Variants in BRINP3 observed in about 807,000 individuals in gnomAD.
BRINP3 encodes BMP/retinoic acid-inducible neural-specific protein 3.
BRINP3 carries 19 observed loss-of-function variants against 71.0 expected under a neutral mutation model. The observed-to-expected ratio is 0.27, with a 90% CI of 0.19 to 0.39. BRINP3 has a LOEUF of 0.39. Among genes scored for constraint, BRINP3 ranks in the 10% least tolerant of loss-of-function variants. The pLI, the probability that BRINP3 is intolerant of heterozygous loss-of-function variation, is 1.00. For missense variants in BRINP3, 959 were observed against 940.8 expected (o/e 1.02, Z -0.25); for synonymous variants, 380 against 337.7 (o/e 1.13, Z -1.37).
chr1:190,254,640 C>G (rs1048368572), intron 4 of BRINP3, among the ~76,000 whole-genome samples: 4 of 152,148 alleles, frequency 2.6e-5, no homozygotes, highest in Non-Finnish European at 5.9e-5. Flanking sequence ...TGAGACTTTG[C>G]TGAAGTTGCT....
At chr1:190,406,062 G>A (rs1275877687) in intron 2 of BRINP3, among the ~76,000 whole-genome samples, 8 of 152,172 alleles carry the variant, frequency 5.3e-5, no homozygotes, top group Admixed American at 2.0e-4. Flanking sequence ...AAAGAGTCAT[G>A]CATTTCTTCA....
At chr1:190,477,056 C>A (rs1346092948) in intron 1 of BRINP3, among the ~76,000 whole-genome samples, 1 of 152,066 alleles carries the variant, frequency 6.6e-6, no homozygotes, top group African/African-American at 2.4e-5. Context: ...CCAGACCTTG[C>A]AATTGTCAGA....
intron 6 of BRINP3, among the ~76,000 whole-genome samples, chr1:190,198,312 C>T (rs116320099): frequency 0.014 from 2,086 of 152,224 alleles, 51 homozygotes; most frequent in African/African-American, 0.047. Context: ...TGGCAATTAA[C>T]ATTTGGCTCT....
chr1:190,129,160 A>G lies in BRINP3; in HGVS notation c.1185-30026T>C, dbSNP rs527298356. 7.9e-5 allele frequency among the ~76,000 whole-genome samples: 12 copies of G among 151,970 alleles called. No homozygotes were observed. The East Asian group carries it at 2.3e-3, about 29-fold the overall frequency. On this transcript the variant is annotated intron_variant, in intron 7 of 7. Transcript: ENST00000367462. ...CCCATTTACACAAAACCACTCAGTT[A>G]TTGTCATCTAAGAAAGGATCAAGAT...
intron 2 of BRINP3, among the ~76,000 whole-genome samples, chr1:190,447,443 ATCT>A (rs1219758999): frequency 2.0e-5 from 3 of 147,224 alleles, no homozygotes; most frequent in Non-Finnish European, 4.5e-5. Flanking sequence ...AATAATTCCA[ATCT>A]CTTTCCCTTT....
At chr1:190,427,331 CACTT>C (rs1225778464) in intron 2 of BRINP3, among the ~76,000 whole-genome samples, 1 of 151,832 alleles carries the variant, frequency 6.6e-6, no homozygotes, top group African/African-American at 2.4e-5. Context: ...TGTGTGCACT[CACTT>C]AGTATTAAAG....
intron 2 of BRINP3, among the ~76,000 whole-genome samples, chr1:190,417,055 G>A (rs1673048353): frequency 6.6e-6 from 1 of 152,122 alleles, no homozygotes; most frequent in South Asian, 2.1e-4. Context: ...TGCTCCCCAT[G>A]TTTCCTGTTG....
intron 2 of BRINP3, among the ~76,000 whole-genome samples, chr1:190,341,718 G>A: frequency 6.6e-6 from 1 of 151,188 alleles, no homozygotes. Context: ...TTCCATAGTT[G>A]AAAAAAAATT....
intron 3 of BRINP3, among the ~76,000 whole-genome samples, chr1:190,275,003 T>C (rs761409504): frequency 7.3e-5 from 11 of 151,592 alleles, no homozygotes; most frequent in Admixed American, 2.6e-4. Context: ...CATAATATGT[T>C]TTGCAAAGTA....
intron 5 of BRINP3, 26 bp downstream of exon 5, chr1:190,234,346 G>T (rs1222427880): frequency 1.3e-6 from 2 of 1,541,768 alleles, no homozygotes; most frequent in African/African-American, 1.4e-5. Context: ...GGCTTGTAGA[G>T]AATTAATGAA....
chr1:190,219,573 C>A (rs1455581099), intron 6 of BRINP3, among the ~76,000 whole-genome samples: 4 of 152,038 alleles, frequency 2.6e-5, no homozygotes, highest in Non-Finnish European at 2.9e-5. Flanking sequence ...GGAATGGTGG[C>A]TCACGCCTGT....
intron 4 of BRINP3, among the ~76,000 whole-genome samples, chr1:190,250,819 G>A (rs1007103010): frequency 1.3e-5 from 2 of 151,880 alleles, no homozygotes; most frequent in African/African-American, 4.8e-5. Context: ...GATTATGGGT[G>A]GAAATACATA....
chr1:190,371,736 T>C lies in BRINP3; in HGVS notation c.236+82919A>G, dbSNP rs1276977550. ...TCTAAGAATTTTGATAAGGATTGCA[T>C]TGAATCTATAAATCATGTTGAGTAG... On this transcript the variant is annotated intron_variant, in intron 2 of 7. Transcript: ENST00000367462. Among the ~76,000 whole-genome samples, 5 of 152,192 alleles carry C rather than the reference T, an allele frequency of 3.3e-5. No homozygotes were observed. In the East Asian group the frequency reaches 7.7e-4, roughly 23 times the overall value.
chr1:190,337,690 T>C (rs888632677), intron 2 of BRINP3, among the ~76,000 whole-genome samples: 1 of 152,104 alleles, frequency 6.6e-6, no homozygotes, highest in East Asian at 1.9e-4. Flanking sequence ...TTTTGAGGTT[T>C]TGGGACTCAG....
At chr1:190,187,094 T>C (rs1653596966) in intron 6 of BRINP3, among the ~76,000 whole-genome samples, 1 of 152,136 alleles carries the variant, frequency 6.6e-6, no homozygotes. Flanking sequence ...GAAGTACTAT[T>C]ATATATGTAT....
chr1:190,288,028 T>G (rs1663568235), intron 2 of BRINP3, among the ~76,000 whole-genome samples: 1 of 152,086 alleles, frequency 6.6e-6, no homozygotes, highest in Admixed American at 6.6e-5. Context: ...TTTGAACACT[T>G]GTTAGCAAAA....
intron 7 of BRINP3, among the ~76,000 whole-genome samples, chr1:190,115,531 G>A (rs1172543580): frequency 1.3e-5 from 2 of 152,048 alleles, no homozygotes; most frequent in East Asian, 3.9e-4. Context: ...CTACGTCCCA[G>A]GTTTTCTACG....
chr1:190,451,589 T>A (rs978247111), intron 2 of BRINP3, among the ~76,000 whole-genome samples: 10 of 151,972 alleles, frequency 6.6e-5, no homozygotes, highest in Non-Finnish European at 1.2e-4. Flanking sequence ...TTTTTTTTTT[T>A]AAATGAGGCA....
chr1:190,410,996 A>G (rs1381563321), intron 2 of BRINP3, among the ~76,000 whole-genome samples: 1 of 152,164 alleles, frequency 6.6e-6, no homozygotes, highest in Non-Finnish European at 1.5e-5. Flanking sequence ...AAGGGTCAAA[A>G]AAAACCAAGA....
Sources: gnomAD v4.1 joint callset for allele counts (sites outside exome capture counted in the v4.1 genomes callset) on GRCh38, gnomAD v4.1.1 for gene constraint, MANE v1.5 for transcripts, NCBI Gene and HGNC (gene_info 2026-07-23, HGNC 2026-07-21) for gene names.